The following CFAP57 variants were observed in gnomAD, a reference collection of about 807,000 sequenced individuals.
CFAP57 encodes cilia- and flagella-associated protein 57.
In CFAP57, 116 loss-of-function variants were observed where a neutral mutation model predicts 146.8. The ratio of observed to expected loss-of-function variants is 0.79; its 90% CI spans 0.68 to 0.92. The LOEUF (loss-of-function observed/expected upper bound fraction) is 0.92. Ranked by LOEUF, CFAP57 falls within the 40% of genes least tolerant of loss-of-function variation. The pLI, the probability that CFAP57 is intolerant of heterozygous loss-of-function variation, is 0.00. For synonymous variants in CFAP57, 518 were observed against 552.8 expected (o/e 0.94, Z 0.88); for missense variants, 1,377 against 1,527.2 (o/e 0.90, Z 1.64).
chr1:43,226,273 C>T (rs1645239267), intron 17 of CFAP57, among the ~76,000 whole-genome samples: 1 of 152,210 alleles, frequency 6.6e-6, no homozygotes, highest in South Asian at 2.1e-4. Context: ...TTATCTCTGT[C>T]CCCGATGTCT....
chr1:43,223,833 G>T (rs995350802), intron 16 of CFAP57, among the ~76,000 whole-genome samples: 1 of 152,210 alleles, frequency 6.6e-6, no homozygotes, highest in Non-Finnish European at 1.5e-5. Context: ...TTATGGGACA[G>T]AATACTACAT....
chr1:43,184,051 T>C (rs1157270919), intron 4 of CFAP57, among the ~76,000 whole-genome samples, 174 bp downstream of exon 4: 2 of 152,248 alleles, frequency 1.3e-5, no homozygotes, highest in Non-Finnish European at 2.9e-5. Flanking sequence ...TTAACAGTTA[T>C]AACCATAGAC....
chr1:43,179,987 A>T (rs1055849995), intron 2 of CFAP57, among the ~76,000 whole-genome samples: 1 of 151,944 alleles, frequency 6.6e-6, no homozygotes, highest in East Asian at 1.9e-4. Flanking sequence ...TGGGCGGATC[A>T]CCTGAAGTTG....
At chr1:43,211,009 TC>T (rs1644584932) in intron 11 of CFAP57, 1 of 151,852 alleles carries the variant, frequency 6.6e-6, no homozygotes, top group Admixed American at 6.6e-5. Context: ...GGTATGTGTC[TC>T]TTCTTCCTTA....
At chr1:43,225,467 TAGAC>T (rs1361680698) in intron 17 of CFAP57, among the ~76,000 whole-genome samples, 2 of 152,150 alleles carry the variant, frequency 1.3e-5, no homozygotes, top group Non-Finnish European at 2.9e-5. Flanking sequence ...TTTACAGAAA[TAGAC>T]AGCAGGCCCA....
At chr1:43,215,089 C>T (rs981330667) in intron 11 of CFAP57, among the ~76,000 whole-genome samples, 166 bp from the exon 12 acceptor site, 7 of 152,192 alleles carry the variant, frequency 4.6e-5, no homozygotes, top group Admixed American at 4.6e-4. Context: ...TATTCATTAA[C>T]AGATGCCTGT....
Position 43,172,844 on chromosome 1 carries a change from A to T in CFAP57, c.91A>T (p.Ile31Leu). 1 of 1,614,132 alleles carries T rather than the reference A, an allele frequency of 6.2e-7. No homozygotes were observed. Among genetic ancestry groups the T allele is most frequent in the Non-Finnish European group, 8.5e-7 (1 of 1,179,952 alleles). The change falls in exon 2 of 23, where the codon ATA becomes TTA. Residue 31 changes from isoleucine to leucine, a missense_variant. Coordinates refer to ENST00000372492, the MANE Select transcript of CFAP57 (RefSeq NM_001378189.1). ...CTTCTACTTCGATGAACAGATCATT[A>T]TATTTCCTTCAGGAAATCACTGTGT... is the stretch of plus-strand genomic sequence containing the variant. Reference protein sequence around the residue: ...NIFYFDEQIIIFPSGNHCVKY... With the variant: ...NIFYFDEQIILFPSGNHCVKY...
intron 6 of CFAP57, chr1:43,196,677 G>A (rs1643881413): frequency 1.3e-5 from 2 of 152,228 alleles, no homozygotes; most frequent in Admixed American, 6.5e-5. Flanking sequence ...CAGAAACAAT[G>A]CCTCTGATGA....
At chr1:43,253,483 T>C (rs894093581) in intron 22 of CFAP57, among the ~76,000 whole-genome samples, 2 of 152,134 alleles carry the variant, frequency 1.3e-5, no homozygotes, top group African/African-American at 2.4e-5. Flanking sequence ...CCCAGGATGA[T>C]GCCAGCACCT....
intron 2 of CFAP57, among the ~76,000 whole-genome samples, chr1:43,175,512 A>ATTTTAT (rs1359756790): frequency 2.3e-5 from 3 of 132,238 alleles, no homozygotes; most frequent in African/African-American, 5.3e-5. Flanking sequence ...ATTTTATTTT[A>ATTTTAT]TTTATTTATT....
At chr1:43,243,497 C>A in intron 22 of CFAP57, 138 bp downstream of exon 22, 1 of 911,836 alleles carries the variant, frequency 1.1e-6, no homozygotes, top group Non-Finnish European at 1.5e-6. Flanking sequence ...CCGGGGCACA[C>A]ACCTGCTCTT....
chr1:43,199,554 G>A (rs1421131991), intron 9 of CFAP57, 51 bp downstream of exon 9: 2 of 1,526,666 alleles, frequency 1.3e-6, no homozygotes, highest in East Asian at 2.2e-5. Flanking sequence ...AGCCAAGTAT[G>A]CCGCCAGCCA....
At chr1:43,206,160 T>C (rs920956188) in intron 9 of CFAP57, among the ~76,000 whole-genome samples, 11 of 152,092 alleles carry the variant, frequency 7.2e-5, no homozygotes. Flanking sequence ...AGGGTTTCAC[T>C]ATGTTACCCA....
intron 16 of CFAP57, 137 bp from the exon 17 acceptor site, chr1:43,223,909 C>A (rs1645144732): frequency 6.6e-6 from 7 of 1,060,064 alleles, no homozygotes; most frequent in Non-Finnish European, 9.3e-6. Context: ...CCTAAAATCC[C>A]AGAAATGTTG....
chr1:43,208,274 AT>A (rs1328219423), intron 10 of CFAP57, among the ~76,000 whole-genome samples: 1 of 152,214 alleles, frequency 6.6e-6, no homozygotes, highest in Non-Finnish European at 1.5e-5. Context: ...TAGAAATACC[AT>A]TTGACCCAGC....
chr1:43,186,599 A>G, intron 5 of CFAP57, 108 bp from the exon 6 acceptor site: 1 of 1,240,400 alleles, frequency 8.1e-7, no homozygotes, highest in Non-Finnish European at 1.1e-6. Flanking sequence ...CAAAAGAGCG[A>G]GACTCCGTCT....
At chr1:43,232,393 A>G (rs1325306958) in intron 18 of CFAP57, 115 bp from the exon 19 acceptor site, 2 of 820,654 alleles carry the variant, frequency 2.4e-6, no homozygotes, top group South Asian at 1.7e-5. Context: ...AGGGGATGAG[A>G]AAAGAAATGC....
In CFAP57 at chr1:43,209,826, C is replaced by T; in HGVS notation, c.1839C>T (p.Thr613=). The T allele has an allele frequency of 6.2e-7, 1 of 1,614,186 alleles. No homozygotes were observed. The highest frequency in any genetic ancestry group is 8.5e-7 in the Non-Finnish European group (1 of 1,180,038). ...CTGGACGCATGATGTTTGTGGGCAC[C>T]TCGGTGGGAACCATTCGTGCCATGA... is the stretch of plus-strand genomic sequence containing the variant. The part of the protein sequence containing the change: ...SHSGRMMFVG[T]SVGTIRAMKY... The change falls in exon 11 of 23, where the codon ACC becomes ACT. Residue 613 remains threonine, a synonymous_variant. Transcript: ENST00000372492.
chr1:43,253,654 A>G (rs1646374912), intron 22 of CFAP57, among the ~76,000 whole-genome samples: 3 of 152,052 alleles, frequency 2.0e-5, no homozygotes, highest in African/African-American at 7.2e-5. Flanking sequence ...GAAGAGTGCC[A>G]TCCTGCTAGG....
Sources: gnomAD v4.1 joint callset for allele counts (sites outside exome capture counted in the v4.1 genomes callset) on GRCh38, gnomAD v4.1.1 for gene constraint, MANE v1.5 for transcripts, NCBI Gene and HGNC (gene_info 2026-07-23, HGNC 2026-07-21) for gene names.